The following SIX4 variants were observed in gnomAD, a reference collection of about 807,000 sequenced individuals.
SIX4 encodes the protein homeobox protein SIX4.
A neutral mutation model predicts 51.5 loss-of-function variants in SIX4; 23 were observed. That is an observed-to-expected ratio of 0.45 (90% CI 0.32 to 0.63). The LOEUF (loss-of-function observed/expected upper bound fraction) is 0.63. Among genes scored for constraint, SIX4 ranks in the 30% least tolerant of loss-of-function variants. SIX4 has a pLI of 0.04. For synonymous variants in SIX4, 413 were observed against 417.3 expected, an observed-to-expected ratio of 0.99 and a Z score of 0.13; for missense variants, 867 against 984.0, an observed-to-expected ratio of 0.88 and a Z score of 1.59.
In SIX4 at chr14:60,723,548, G is replaced by C. The variant is rs768191954; in HGVS notation, c.527C>G (p.Ser176Trp). The C allele has an allele frequency of 1.9e-6, 3 of 1,609,084 alleles. No homozygotes were observed. In the Admixed American group the frequency reaches 5.0e-5, roughly 27 times the overall value. Residue 176 changes from serine to tryptophan, a missense_variant, in exon 1 of 3, where the codon TCG (serine) becomes TGG (tryptophan). Physicochemically the swap from Ser to Trp is radical, Grantham distance 177. Transcript: ENST00000216513. ...YSILESHSFE[S>W]ANHPLLQQLW... ...CTGCTGCAGCAGCGGGTGGTTGGCC[G>C]ACTCGAAGCTGTGGCTCTCGAGGAT... is the stretch of plus-strand genomic sequence containing the variant.
Position 60,723,576 on chromosome 14 carries a change from T to C in SIX4, c.499A>G (p.Ser167Gly), listed in dbSNP as rs1896077192. 4.3e-6 allele frequency: 7 copies of C among 1,611,132 alleles called. No homozygotes were observed. Among genetic ancestry groups the C allele is most frequent in the Non-Finnish European group, 5.9e-6 (7 of 1,179,516 alleles). The change falls in exon 1 of 3, where the codon AGC (serine) becomes GGC (glycine). Residue 167 changes from serine (S) to glycine (G), a missense_variant. Ser to Gly is a moderately conservative substitution (Grantham distance 56). Transcript: ENST00000216513. ...FHQGIYPELY[S>G]ILESHSFESA... ...TCGAAGCTGTGGCTCTCGAGGATGC[T>C]GTAGAGCTCGGGGTAGATGCCCTGG... is the stretch of plus-strand genomic sequence containing the variant.
rs1433459353 is a variant in SIX4 at position 60,714,216 on chromosome 14, A to G, written c.1550-13T>C. ...ACTGAGATATTACCTAAAAAAAATA[A>G]AGTACTGATTATCACTGATGGAAGT... is the stretch of plus-strand genomic sequence containing the variant. On this transcript the variant is annotated splice_polypyrimidine_tract_variant and intron_variant, in intron 2 of 2. Transcript: ENST00000216513. 1.3e-6 allele frequency: 2 copies of G among 1,555,852 alleles called. No homozygotes were observed. The highest frequency in any genetic ancestry group is 2.2e-5 in the East Asian group (1 of 44,638).
At position 60,723,319 on chromosome 14, in the gene SIX4, C is replaced by T. The variant is rs780566842; in HGVS notation, c.756G>A (p.Glu252=). The T allele has an allele frequency of 1.6e-5, 26 of 1,612,924 alleles. No individual in the cohort carries two copies. The Admixed American group carries it at 4.0e-4, about 25-fold the overall frequency. The change falls in exon 1 of 3, where the codon GAG becomes GAA. Residue 252 remains glutamate, a synonymous_variant. Transcript: ENST00000216513. ...YKQNRYPSPA[E]KRHLAKITGL... ...CGGTGATCTTGGCCAGGTGCCGCTT[C>T]TCGGCGGGCGAAGGGTAGCGATTCT...
rs1294915313 is a variant in SIX4, at chr14:60,720,350, G to T, written c.959C>A (p.Thr320Asn). 2 of 1,614,160 alleles carry T rather than the reference G, an allele frequency of 1.2e-6. No homozygotes were observed. The highest frequency in any genetic ancestry group is 2.2e-5 in the South Asian group (2 of 91,090). ...CATATGACTGGAAAGGCTGAGGTTG[G>T]TGATGCCATCAGATGAACTGGAGAG... ...HPLSSSSDGI[T>N]NLSLSSHMEP... The change falls in exon 2 of 3, where the codon ACC (threonine) becomes AAC (asparagine). Residue 320 changes from threonine (T) to asparagine (N), a missense_variant. Transcript: ENST00000216513. This position sits in a 1 kb window ranked among gnomAD's most constrained non-coding sequence, Gnocchi z 5.5.
rs1252002760 is a variant in SIX4, at chr14:60,723,760, C to T, written c.315G>A (p.Pro105=). The change falls in exon 1 of 3, where the codon CCG becomes CCA. Residue 105 remains proline, a synonymous_variant. Coordinates refer to ENST00000216513, the MANE Select transcript of SIX4 (RefSeq NM_017420.5). The part of the protein sequence containing the change: ...HHAAAAAAQT[P]LAFSPDHVAC... ...CGACGTGGTCGGGCGAGAAGGCCAG[C>T]GGGGTCTGCGCGGCGGCGGCGGCGG... 25 of 1,540,324 alleles carry T rather than the reference C, an allele frequency of 1.6e-5. No homozygotes were observed. The highest frequency in any genetic ancestry group is 2.0e-5 in the Non-Finnish European group (23 of 1,147,206).
In SIX4 at chr14:60,722,554, T is replaced by A. The variant is rs1219076206; in HGVS notation, c.863+658A>T. Among the ~76,000 whole-genome samples the A allele has an allele frequency of 1.3e-5, 2 of 152,154 alleles. No homozygotes were observed. Among genetic ancestry groups the A allele is most frequent in the African/African-American group, 4.8e-5 (2 of 41,452 alleles). ...AGCCGAGCTGCACCAGCACCCCACG[T>A]TGCCGCGGCCGCTAAGGGAACCATA... On this transcript the variant is annotated intron_variant, in intron 1 of 2. Coordinates refer to ENST00000216513, the MANE Select transcript of SIX4 (RefSeq NM_017420.5). This position sits in a 1 kb window ranked among gnomAD's most constrained non-coding sequence, Gnocchi z 5.9.
chr14:60,717,165 C>T lies in SIX4; in HGVS notation c.1549+2595G>A, dbSNP rs771066506. The T allele has an allele frequency of 6.2e-5, 14 of 225,660 alleles. 1 individual carries two copies. The South Asian group carries it at 8.1e-4, about 13-fold the overall frequency. The allele number at this position is 225,660 out of a possible 1,614,324, so 14.0% of individuals were successfully genotyped here. On this transcript the variant is annotated intron_variant, in intron 2 of 2. Transcript: ENST00000216513. The surrounding 1 kb of genome is among the most constrained non-coding windows in gnomAD (Gnocchi z 4.6). ...TCTCGGCTCACTGCAACCTCCACCT[C>T]CTGGGTTCAAGCGATTCTCCTGCCT...
Position 60,714,152 on chromosome 14 carries a change from T to G in SIX4, c.1601A>C (p.Glu534Ala), listed in dbSNP as rs781690841. 4 of 1,610,074 alleles carry G rather than the reference T, an allele frequency of 2.5e-6. No homozygotes were observed. In the Admixed American group the frequency reaches 6.8e-5, roughly 27 times the overall value. The part of the protein sequence containing the change: ...STSDGSTFTS[E>A]STTVQQGKVF... ...CTTTCCTTGCTGGACTGTGGTAGAC[T>G]CACTTGTAAATGTGCTTCCATCTGA... The change falls in exon 3 of 3, where the codon GAG becomes GCG. Residue 534 changes from glutamate to alanine, a missense_variant. Glu to Ala is a moderately radical substitution (Grantham distance 107). Transcript: ENST00000216513.
chr14:60,718,747 C>T (rs966169992), intron 2 of SIX4, among the ~76,000 whole-genome samples: 2 of 152,130 alleles, frequency 1.3e-5, no homozygotes, highest in African/African-American at 4.8e-5. Flanking sequence ...AACAATTTTT[C>T]CATTAATTCC....
In SIX4 at chr14:60,722,165, G is replaced by C. The variant is rs1383776295; in HGVS notation, c.863+1047C>G. ...TCTCTCCTATCCCCGCGGGGCTGGA[G>C]ACACCAGGTCTTTAGGCGACCTTCT... On this transcript the variant is annotated intron_variant, in intron 1 of 2. Transcript: ENST00000216513. The surrounding 1 kb of genome is among the most constrained non-coding windows in gnomAD (Gnocchi z 5.9). 2.6e-5 allele frequency among the ~76,000 whole-genome samples: 4 copies of C among 152,300 alleles called. No individual in the cohort carries two copies. The Middle Eastern group carries it at 0.01, about 389-fold the overall frequency.
rs752436586 is a variant in SIX4 at position 60,723,295 on chromosome 14, G to C, written c.780C>G (p.Thr260=). The change falls in exon 1 of 3, where the codon ACC becomes ACG. Residue 260 remains threonine, a synonymous_variant. Transcript: ENST00000216513. The part of the protein sequence containing the change: ...PAEKRHLAKI[T]GLSLTQVSNW... Reference sequence around the variant, plus strand: ...TGCTGACCTGGGTGAGGGAGAGGCCGGTGATCTTGGCCAGGTGCCGCTTCT... The same window carrying C: ...TGCTGACCTGGGTGAGGGAGAGGCCCGTGATCTTGGCCAGGTGCCGCTTCT... 1 of 1,613,416 alleles carries C rather than the reference G, an allele frequency of 6.2e-7. No homozygotes were observed. The highest frequency in any genetic ancestry group is 8.5e-7 in the Non-Finnish European group (1 of 1,179,994).
chr14:60,719,705 C>G lies in SIX4; in HGVS notation c.1549+55G>C, dbSNP rs559052495. ...TAGCTATCACCAAATGCGTCACTTA[C>G]AGCAGCTGATGAACACATTTGCTGG... is the stretch of plus-strand genomic sequence containing the variant. On this transcript the variant is annotated intron_variant, in intron 2 of 2. Coordinates refer to ENST00000216513, the MANE Select transcript of SIX4 (RefSeq NM_017420.5). The surrounding 1 kb of genome is among the most constrained non-coding windows in gnomAD (Gnocchi z 4.9). 4.5e-6 allele frequency: 7 copies of G among 1,544,822 alleles called. No individual in the cohort carries two copies. The highest frequency in any genetic ancestry group is 1.2e-5 in the South Asian group (1 of 82,970).
rs751178648 is a variant in SIX4 at position 60,724,178 on chromosome 14, C to A, written c.-104G>T. ...CCTTCGTCTCCCTCCCTCCTCTCCC[C>A]CTCCGGAAAGCCCACTCCCTCCCTC... On this transcript the variant is annotated 5_prime_UTR_variant, in exon 1 of 3. Transcript: ENST00000216513. 40 of 1,590,390 alleles carry A rather than the reference C, an allele frequency of 2.5e-5. No individual in the cohort carries two copies. Among genetic ancestry groups the A allele is most frequent in the Non-Finnish European group, 3.2e-5 (37 of 1,173,490 alleles).
Position 60,712,493 on chromosome 14 carries a change from A to G in SIX4, c.*914T>C, listed in dbSNP as rs1895841653. 2.0e-5 allele frequency: 3 copies of G among 152,732 alleles called. No individual in the cohort carries two copies. The South Asian group carries it at 6.2e-4, about 32-fold the overall frequency. The allele number at this position is 152,732 out of a possible 1,614,324, so 9.5% of individuals were successfully genotyped here. ...CTAAATAAAGAACAAGGATGTGAAA[A>G]AAAGTACCAAAATTCCAATATTGGG... On this transcript the variant is annotated 3_prime_UTR_variant, in exon 3 of 3. Transcript: ENST00000216513.
chr14:60,717,672 A>T lies in SIX4; in HGVS notation c.1549+2088T>A, dbSNP rs151200401. Among the ~76,000 whole-genome samples, 4 of 151,350 alleles carry T rather than the reference A, an allele frequency of 2.6e-5. No homozygotes were observed. The highest frequency in any genetic ancestry group is 5.9e-5 in the Non-Finnish European group (4 of 67,352). ...AAAAATTGAACAACAATTTTAAGATAAAAAAATCCAACTGAAAAACCATAT... is the reference window on the plus strand; with the variant it reads ...AAAAATTGAACAACAATTTTAAGATTAAAAAATCCAACTGAAAAACCATAT... On this transcript the variant is annotated intron_variant, in intron 2 of 2. Coordinates refer to ENST00000216513, the MANE Select transcript of SIX4 (RefSeq NM_017420.5). The surrounding 1 kb of genome is among the most constrained non-coding windows in gnomAD (Gnocchi z 4.6).
In SIX4 at chr14:60,713,184, A is replaced by G; in HGVS notation, c.*223T>C. Reference sequence around the variant, plus strand: ...TTCACCTTGTCCTTTGTCTCCATCTATTTAAAAGAGAAATTTATAAGTGAA... The same window carrying G: ...TTCACCTTGTCCTTTGTCTCCATCTGTTTAAAAGAGAAATTTATAAGTGAA... On this transcript the variant is annotated 3_prime_UTR_variant, in exon 3 of 3. Coordinates refer to ENST00000216513, the MANE Select transcript of SIX4 (RefSeq NM_017420.5). 1 of 453,308 alleles carries G rather than the reference A, an allele frequency of 2.2e-6. No homozygotes were observed. The highest frequency in any genetic ancestry group is 2.0e-5 in the African/African-American group (1 of 49,922). 28.1% of individuals were successfully genotyped at this position (453,308 alleles called of 1,614,324 possible). A position where few individuals can be genotyped will look rare whatever the true frequency, so the allele number is the denominator to read the frequency against.
Position 60,723,841 on chromosome 14 carries a change from T to G in SIX4, c.234A>C (p.Gly78=). The change falls in exon 1 of 3, where the codon GGA becomes GGC. Residue 78 remains glycine, a synonymous_variant. Coordinates refer to ENST00000216513, the MANE Select transcript of SIX4 (RefSeq NM_017420.5). Reference sequence around the variant, plus strand: ...GGAGTTGTACCTGATCCGCCGCCGCTCCGGCCGCCGCCGCCGCCACTGCCC... The same window carrying G: ...GGAGTTGTACCTGATCCGCCGCCGCGCCGGCCGCCGCCGCCGCCACTGCCC... ...EEGAVAAAAA[G]AAADQVQLHS... 6.6e-7 allele frequency: 1 copy of G among 1,522,956 alleles called. No homozygotes were observed. Among genetic ancestry groups the G allele is most frequent in the East Asian group, 2.4e-5 (1 of 41,320 alleles). 94.3% of individuals were successfully genotyped at this position (1,522,956 alleles called of 1,614,324 possible).
rs936180078 is a variant in SIX4 at position 60,713,965 on chromosome 14, A to G, written c.1788T>C (p.Ser596=). 1 of 1,614,076 alleles carries G rather than the reference A, an allele frequency of 6.2e-7. No individual in the cohort carries two copies. Among genetic ancestry groups the G allele is most frequent in the African/African-American group, 1.3e-5 (1 of 74,948 alleles). The change falls in exon 3 of 3, where the codon TCT becomes TCC. Residue 596 remains serine (S), a synonymous_variant. Coordinates refer to ENST00000216513, the MANE Select transcript of SIX4 (RefSeq NM_017420.5). The part of the protein sequence containing the change: ...QNAQVNANLS[S]ENISGSGLHP... ...GCAGGCCACTCCCCGAGATGTTTTC[A>G]GAAGACAGGTTTGCATTTACTTGTG... is the stretch of plus-strand genomic sequence containing the variant.
chr14:60,719,744 C>T lies in SIX4; in HGVS notation c.1549+16G>A. The T allele has an allele frequency of 6.2e-7, 1 of 1,610,408 alleles. No individual in the cohort carries two copies. The highest frequency in any genetic ancestry group is 8.5e-7 in the Non-Finnish European group (1 of 1,177,926). On this transcript the variant is annotated intron_variant, in intron 2 of 2. Coordinates refer to ENST00000216513, the MANE Select transcript of SIX4 (RefSeq NM_017420.5). This position sits in a 1 kb window ranked among gnomAD's most constrained non-coding sequence, Gnocchi z 4.9. ...CACATTTGCTGGTGCATTAAGGTACCAAATGAGATTGTTACCTTGTGAAGC... is the reference window on the plus strand; with the variant it reads ...CACATTTGCTGGTGCATTAAGGTACTAAATGAGATTGTTACCTTGTGAAGC...
Sources: gnomAD v4.1 joint callset for allele counts (sites outside exome capture counted in the v4.1 genomes callset) on GRCh38, gnomAD v4.1.1 for gene constraint, Gnocchi (gnomAD v3.1) non-coding constraint, MANE v1.5 for transcripts, NCBI Gene and HGNC (gene_info 2026-07-23, HGNC 2026-07-21) for gene names.